PDE3A: variants seen among roughly 807,000 people sequenced by gnomAD.
The protein encoded by PDE3A is cGMP-inhibited 3',5'-cyclic phosphodiesterase 3A.
A neutral mutation model predicts 98.3 loss-of-function variants in PDE3A; 43 were observed. That is an observed-to-expected ratio of 0.44 (90% CI 0.34 to 0.56). The LOEUF (loss-of-function observed/expected upper bound fraction) is 0.56. PDE3A is among the 20% of genes least tolerant of loss of function. The pLI, the probability that PDE3A is intolerant of heterozygous loss-of-function variation, is 0.01. For missense variants in PDE3A, 1,427 were observed against 1,440.7 expected, an observed-to-expected ratio of 0.99 and a Z score of 0.15; for synonymous variants, 663 against 567.9, an observed-to-expected ratio of 1.17 and a Z score of -2.38.
At chr12:20,413,179 G>A (rs1007531017) in intron 1 of PDE3A, among the ~76,000 whole-genome samples, 25 of 152,138 alleles carry the variant, frequency 1.6e-4, no homozygotes, top group Non-Finnish European at 5.9e-5. Context: ...TTTGTCTATG[G>A]GACCAGTGAA....
chr12:20,686,313 T>G lies in PDE3A; in HGVS notation c.*6042T>G, dbSNP rs147156934. Reference sequence around the variant, plus strand: ...TTATCCAGCAATTTATTGTTTTGTGTTGTTATAAAATAAATGTTCTATTAA... The same window carrying G: ...TTATCCAGCAATTTATTGTTTTGTGGTGTTATAAAATAAATGTTCTATTAA... On this transcript the variant is annotated 3_prime_UTR_variant, in exon 16 of 16. Coordinates refer to ENST00000359062, the MANE Select transcript of PDE3A (RefSeq NM_000921.5). Among the ~76,000 whole-genome samples, 2 of 152,296 alleles carry G rather than the reference T, an allele frequency of 1.3e-5. No homozygotes were observed. The highest frequency in any genetic ancestry group is 3.9e-4 in the East Asian group (2 of 5,184).
At chr12:20,434,909 T>C (rs1944756015) in intron 1 of PDE3A, among the ~76,000 whole-genome samples, 1 of 152,184 alleles carries the variant, frequency 6.6e-6, no homozygotes, top group African/African-American at 2.4e-5. Flanking sequence ...ATTAAAAACT[T>C]TAAAGCAACT....
chr12:20,593,240 G>A (rs1943382714), intron 2 of PDE3A, among the ~76,000 whole-genome samples: 2 of 152,206 alleles, frequency 1.3e-5, no homozygotes, highest in South Asian at 2.1e-4. Flanking sequence ...TAGGGTTGTG[G>A]CATCATATCT....
chr12:20,614,877 A>G (rs763980385), intron 3 of PDE3A, among the ~76,000 whole-genome samples: 3 of 152,042 alleles, frequency 2.0e-5, no homozygotes, highest in Admixed American at 1.3e-4. Flanking sequence ...AACTATGCCT[A>G]TGTGGTTGGT....
intron 15 of PDE3A, among the ~76,000 whole-genome samples, chr12:20,671,414 C>G (rs892612732): frequency 5.9e-5 from 9 of 152,092 alleles, no homozygotes; most frequent in Admixed American, 3.3e-4. Context: ...AATTTTAGAC[C>G]AATATCCTTG....
chr12:20,566,250 C>A (rs1005449725), intron 2 of PDE3A, among the ~76,000 whole-genome samples: 62 of 151,488 alleles, frequency 4.1e-4, no homozygotes, highest in African/African-American at 1.4e-3. Context: ...GTGTAATAAG[C>A]GATTCTTGGA....
chr12:20,508,920 G>A (rs1213101759), intron 1 of PDE3A, among the ~76,000 whole-genome samples: 1 of 151,542 alleles, frequency 6.6e-6, no homozygotes, highest in Non-Finnish European at 1.5e-5. Flanking sequence ...TCTTGGAGAT[G>A]CCATTCTTAC....
intron 1 of PDE3A, among the ~76,000 whole-genome samples, chr12:20,454,379 T>G (rs922149611): frequency 6.6e-6 from 1 of 152,210 alleles, no homozygotes; most frequent in African/African-American, 2.4e-5. Flanking sequence ...GACGTGTTAT[T>G]GTTTGTATTA....
rs12815492 is a variant in PDE3A at position 20,381,888 on chromosome 12, A to G, written c.960+11644A>G. 5.3e-3 allele frequency among the ~76,000 whole-genome samples: 801 copies of G among 151,922 alleles called. 5 individuals carry two copies. Among genetic ancestry groups the G allele is most frequent in the Middle Eastern group, 0.014 (4 of 294 alleles). On this transcript the variant is annotated intron_variant, in intron 1 of 15. Coordinates refer to ENST00000359062, the MANE Select transcript of PDE3A (RefSeq NM_000921.5). ...TTTTTCTAACTTCTCCCCTGTTGAT[A>G]ATTATTCTTATATAACTATAATGCC...
In PDE3A at chr12:20,670,289, C is replaced by T. The variant is rs889784836; in HGVS notation, c.3185-9741C>T. ...CCACTGTCAACATTAGACAGATCAA[C>T]GAGACAGAAAGTCAACAAGGATACC... On this transcript the variant is annotated intron_variant, in intron 15 of 15. Coordinates refer to ENST00000359062, the MANE Select transcript of PDE3A (RefSeq NM_000921.5). Among the ~76,000 whole-genome samples, 717 of 147,178 alleles carry T rather than the reference C, an allele frequency of 4.9e-3. 5 individuals carry two copies. The highest frequency in any genetic ancestry group is 0.017 in the African/African-American group (670 of 38,878).
intron 2 of PDE3A, among the ~76,000 whole-genome samples, chr12:20,605,929 C>T (rs1237724877): frequency 6.6e-6 from 1 of 152,146 alleles, no homozygotes; most frequent in East Asian, 1.9e-4. Flanking sequence ...AGAATTATTA[C>T]ATTTTCTGCC....
At chr12:20,673,868 AT>A (rs1364165599) in intron 15 of PDE3A, among the ~76,000 whole-genome samples, 2 of 145,798 alleles carry the variant, frequency 1.4e-5, no homozygotes, top group Admixed American at 6.8e-5. Context: ...AATAAAAAAA[AT>A]AAAAATAAAA....
chr12:20,593,425 T>C lies in PDE3A; in HGVS notation c.1012-20018T>C, dbSNP rs112076516. 4.7e-4 allele frequency among the ~76,000 whole-genome samples: 71 copies of C among 152,102 alleles called. 2 individuals carry two copies. The highest frequency in any genetic ancestry group is 1.6e-3 in the African/African-American group (68 of 41,488). ...CTGAAGTGGCAGAGCAGCATAATAA[T>C]ATCTCTGCATTGGGAAAAGCCAAGT... On this transcript the variant is annotated intron_variant, in intron 2 of 15. Coordinates refer to ENST00000359062, the MANE Select transcript of PDE3A (RefSeq NM_000921.5).
At chr12:20,381,055 A>T (rs1943655365) in intron 1 of PDE3A, among the ~76,000 whole-genome samples, 1 of 151,796 alleles carries the variant, frequency 6.6e-6, no homozygotes, top group Admixed American at 6.6e-5. Flanking sequence ...ATAACAGCAT[A>T]GTTATTAAGG....
intron 2 of PDE3A, among the ~76,000 whole-genome samples, chr12:20,592,045 G>A (rs952131236): frequency 1.3e-5 from 2 of 152,092 alleles, no homozygotes; most frequent in Non-Finnish European, 2.9e-5. Context: ...CAAGGGCAAC[G>A]ATTAACATAT....
chr12:20,612,410 T>C (rs536050975), intron 2 of PDE3A, among the ~76,000 whole-genome samples: 1 of 151,604 alleles, frequency 6.6e-6, no homozygotes, highest in African/African-American at 2.4e-5. Flanking sequence ...CCTTTGCTTA[T>C]GGTATATTTT....
intron 2 of PDE3A, among the ~76,000 whole-genome samples, chr12:20,592,846 G>A (rs927700103): frequency 1.3e-5 from 2 of 152,146 alleles, no homozygotes; most frequent in South Asian, 2.1e-4. Context: ...TTTTCAGACC[G>A]ATTAGAATAA....
At chr12:20,406,440 C>A (rs535295821) in intron 1 of PDE3A, among the ~76,000 whole-genome samples, 1 of 152,162 alleles carries the variant, frequency 6.6e-6, no homozygotes, top group Non-Finnish European at 1.5e-5. Flanking sequence ...GAGGGAATAT[C>A]TCATTATGAT....
intron 1 of PDE3A, chr12:20,450,104 G>A: frequency 2.0e-6 from 1 of 498,260 alleles, no homozygotes; most frequent in Non-Finnish European, 3.7e-6. Flanking sequence ...TGGATTTGAT[G>A]CTGCTCCTTT....
Sources: gnomAD v4.1 joint callset for allele counts (sites outside exome capture counted in the v4.1 genomes callset) on GRCh38, gnomAD v4.1.1 for gene constraint, MANE v1.5 for transcripts, NCBI Gene and HGNC (gene_info 2026-07-23, HGNC 2026-07-21) for gene names.